The following ZNF665 variants were observed in gnomAD, a reference collection of about 807,000 sequenced individuals.
The protein encoded by ZNF665 is zinc finger protein 665.
Under a neutral mutation model 7.9 loss-of-function variants are expected in ZNF665, and 6 were observed. The ratio of observed to expected loss-of-function variants is 0.76; its 90% confidence interval spans 0.42 to 1.50. The LOEUF (loss-of-function observed/expected upper bound fraction) is 1.50, where lower values mean the gene tolerates loss of function less well. Ranked by LOEUF, ZNF665 falls within the 40% of genes most tolerant of loss-of-function variation. The pLI, the probability that ZNF665 is intolerant of heterozygous loss-of-function variation, is 0.01. For synonymous variants in ZNF665, 242 were observed against 274.5 expected (o/e 0.88, Z 1.17); for missense variants, 819 against 806.7 (o/e 1.02, Z -0.18).
chr19:53,182,689 C>T (rs1027738774), intron 2 of ZNF665, 195 bp downstream of exon 2: 2 of 1,114,776 alleles, frequency 1.8e-6, no homozygotes, highest in Non-Finnish European at 2.7e-6. Context: ...CCCGTGCAGC[C>T]TCTTCCCAAG....
intron 1 of ZNF665, among the ~76,000 whole-genome samples, chr19:53,184,656 T>A (rs1233160914): frequency 6.6e-6 from 1 of 152,176 alleles, no homozygotes; most frequent in East Asian, 1.9e-4. Flanking sequence ...ATTGGTGGGT[T>A]TTCTCCTCGT....
intron 3 of ZNF665, among the ~76,000 whole-genome samples, chr19:53,174,310 G>A (rs1157653814): frequency 6.6e-6 from 1 of 152,182 alleles, no homozygotes; most frequent in East Asian, 1.9e-4. Flanking sequence ...GACTTTGCAT[G>A]TGTTGCTCTT....
In ZNF665 at chr19:53,164,296, C is replaced by T. The variant is rs543892284; in HGVS notation, c.*157G>A. On this transcript the variant is annotated 3_prime_UTR_variant, in exon 4 of 4. Transcript: ENST00000396424. ...GGGATTACAGGCGTGCACCACCACACCCAGCTAATTTTTGTATTTTTAGTA... is the reference window on the plus strand; with the variant it reads ...GGGATTACAGGCGTGCACCACCACATCCAGCTAATTTTTGTATTTTTAGTA... 4.0e-4 allele frequency: 237 copies of T among 590,498 alleles called. 2 individuals are homozygous for T. Among genetic ancestry groups the T allele is most frequent in the Middle Eastern group, 9.1e-4 (2 of 2,198 alleles). 36.6% of individuals were successfully genotyped at this position (590,498 alleles called of 1,614,324 possible). A position where few individuals can be genotyped will look rare whatever the true frequency, so the allele number is the denominator to read the frequency against.
intron 3 of ZNF665, among the ~76,000 whole-genome samples, chr19:53,168,571 A>T: frequency 6.6e-6 from 1 of 152,216 alleles, no homozygotes; most frequent in East Asian, 1.9e-4. Context: ...CCAAAATTCC[A>T]GCATGTATTT....
intron 2 of ZNF665, 149 bp from the exon 3 acceptor site, chr19:53,175,720 G>C (rs1599877960): frequency 1.1e-6 from 1 of 874,310 alleles, no homozygotes. Flanking sequence ...ATACAGATTT[G>C]ATCTTCCTCC....
intron 1 of ZNF665, among the ~76,000 whole-genome samples, chr19:53,190,831 G>A (rs967378418): frequency 2.0e-5 from 3 of 152,232 alleles, no homozygotes; most frequent in African/African-American, 7.2e-5. Context: ...CTACTTGGGA[G>A]GCTGAGGCAG....
Position 53,165,310 on chromosome 19 carries a change from T to A in ZNF665, c.1180A>T (p.Ile394Phe). 1 of 1,613,306 alleles carries A rather than the reference T, an allele frequency of 6.2e-7. No individual in the cohort carries two copies. Among genetic ancestry groups the A allele is most frequent in the South Asian group, 1.1e-5 (1 of 91,042 alleles). The change falls in exon 4 of 4, where the codon ATC becomes TTC. Residue 394 changes from isoleucine (I) to phenylalanine (F), a missense_variant. By Grantham distance (21) the Ile-to-Phe change is conservative. Coordinates refer to ENST00000396424, the MANE Select transcript of ZNF665 (RefSeq NM_024733.5). Reference sequence around the variant, plus strand: ...AAAGGCTTTTCTCCGGTATGGATGATCTGATGCTTAGTTAAGTTTGAATGC... The same window carrying A: ...AAAGGCTTTTCTCCGGTATGGATGAACTGATGCTTAGTTAAGTTTGAATGC... Reference protein sequence around the residue: ...SMHSNLTKHQIIHTGEKPFKC... With the variant: ...SMHSNLTKHQFIHTGEKPFKC...
intron 3 of ZNF665, among the ~76,000 whole-genome samples, chr19:53,170,432 C>T (rs191225245): frequency 2.2e-4 from 33 of 152,228 alleles, no homozygotes; most frequent in South Asian, 1.7e-3. Flanking sequence ...TGTGTTGAAA[C>T]GACAAACATC....
chr19:53,174,118 A>T (rs2090678955), intron 3 of ZNF665, among the ~76,000 whole-genome samples: 2 of 152,264 alleles, frequency 1.3e-5, no homozygotes, highest in African/African-American at 4.8e-5. Flanking sequence ...AAATGGGATA[A>T]AGTATGGATA....
intron 3 of ZNF665, among the ~76,000 whole-genome samples, chr19:53,173,398 T>G (rs1337445005): frequency 8.7e-6 from 1 of 114,996 alleles, no homozygotes; most frequent in Non-Finnish European, 1.7e-5. Flanking sequence ...TTTTTTGAGA[T>G]GGAGTCTCGT....
In ZNF665 at chr19:53,166,325, G is replaced by C. The variant is rs1191684793; in HGVS notation, c.165C>G (p.Asn55Lys). The change falls in exon 4 of 4, where the codon AAC (asparagine) becomes AAG (lysine). Residue 55 changes from asparagine (N) to lysine (K), a missense_variant. Transcript: ENST00000396424. ...TCTTCCCCTTTGGTGGCAAATCCGT[G>C]TTTACACATTTACAAGAGATATCTG... Reference protein sequence around the residue: ...VSLDISCKCVNTDLPPKGKNN... With the variant: ...VSLDISCKCVKTDLPPKGKNN... 6 of 1,587,048 alleles carry C rather than the reference G, an allele frequency of 3.8e-6. No homozygotes were observed. Among genetic ancestry groups the C allele is most frequent in the Non-Finnish European group, 5.1e-6 (6 of 1,168,508 alleles).
At position 53,164,925 on chromosome 19, in the gene ZNF665, G is replaced by C. The variant is rs1568651938; in HGVS notation, c.1565C>G (p.Ala522Gly). ...AGTTAGGCTTGAATGAACACTAAAG[G>C]CTTTGCCACACTCATTACACTTGTA... ...KPYKCNECGK[A>G]FSVHSSLTIH... The change falls in exon 4 of 4, where the codon GCC becomes GGC. Residue 522 changes from alanine (A) to glycine (G), a missense_variant. Transcript: ENST00000396424. 6.2e-7 allele frequency: 1 copy of C among 1,614,092 alleles called. No individual in the cohort carries two copies.
chr19:53,192,819 G>A (rs1000599231), intron 1 of ZNF665, among the ~76,000 whole-genome samples: 2 of 152,048 alleles, frequency 1.3e-5, no homozygotes, highest in Non-Finnish European at 2.9e-5. Context: ...CGGTGACTGC[G>A]AAGGGGAGGC....
intron 3 of ZNF665, among the ~76,000 whole-genome samples, chr19:53,169,628 C>G (rs2090642032): frequency 6.6e-6 from 1 of 152,000 alleles, no homozygotes; most frequent in Admixed American, 6.6e-5. Flanking sequence ...GTGTGCTGCA[C>G]CCATTAACTT....
intron 3 of ZNF665, 84 bp from the exon 4 acceptor site, chr19:53,166,431 C>T: frequency 1.6e-6 from 2 of 1,214,972 alleles, no homozygotes; most frequent in Non-Finnish European, 1.1e-6. Context: ...AATGTTACAC[C>T]AAAAGTAATA....
intron 1 of ZNF665, chr19:53,190,339 A>G (rs1427151213): frequency 6.6e-6 from 1 of 152,124 alleles, no homozygotes; most frequent in East Asian, 1.9e-4. Context: ...GACAGGAAAA[A>G]ATTAAACTGT....
Position 53,166,247 on chromosome 19 carries a change from A to G in ZNF665, c.243T>C (p.Cys81=). 1 of 1,613,958 alleles carries G rather than the reference A, an allele frequency of 6.2e-7. No individual in the cohort carries two copies. The highest frequency in any genetic ancestry group is 8.5e-7 in the Non-Finnish European group (1 of 1,179,872). The part of the protein sequence containing the change: ...YTVKLERLES[C]DTVGLSFQEV... The stretch of plus-strand genomic sequence containing the variant: ...CCTGGAAGGACAAGCCTACAGTGTC[A>G]CAGCTTTCAAGTCTCTCCAACTTCA... The change falls in exon 4 of 4, where the codon TGT becomes TGC. Residue 81 remains cysteine (C), a synonymous_variant. Transcript: ENST00000396424.
intron 1 of ZNF665, among the ~76,000 whole-genome samples, chr19:53,189,423 G>A (rs1010952004): frequency 1.3e-5 from 2 of 149,444 alleles, no homozygotes; most frequent in African/African-American, 2.5e-5. Context: ...TAAAGAGTGT[G>A]AGTCACCTCC....
intron 1 of ZNF665, among the ~76,000 whole-genome samples, chr19:53,191,230 C>G (rs537310123): frequency 3.3e-5 from 5 of 152,138 alleles, no homozygotes; most frequent in Admixed American, 3.3e-4. Flanking sequence ...GGAGAAATCC[C>G]CACCCCACAC....
Sources: gnomAD v4.1 joint callset for allele counts (sites outside exome capture counted in the v4.1 genomes callset) on GRCh38, gnomAD v4.1.1 for gene constraint, MANE v1.5 for transcripts, NCBI Gene and HGNC (gene_info 2026-07-23, HGNC 2026-07-21) for gene names.